CELF2: variants seen among roughly 807,000 people sequenced by gnomAD.
CELF2 encodes CUG triplet repeat RNA-binding protein 2.
In CELF2, 8 loss-of-function variants were observed where a neutral mutation model predicts 62.6. The observed-to-expected ratio is 0.13, with a 90% CI of 0.07 to 0.23. The LOEUF is 0.23. CELF2 is among the 10% of genes least tolerant of loss of function. The pLI is 1.00. For missense variants in CELF2, 333 were observed against 671.0 expected (o/e 0.50, Z 5.56); for synonymous variants, 258 against 250.0 (o/e 1.03, Z -0.30).
chr10:10,797,394 G>GAA (rs76696057), upstream of CELF2, among the ~76,000 whole-genome samples: 4 of 136,742 alleles, frequency 2.9e-5, no homozygotes, highest in Admixed American at 1.5e-4. Flanking sequence ...GCAACAAAGA[G>GAA]AAAAAAAAAA....
At chr10:11,210,876 A>G (rs1195978239) in intron 2 of CELF2, among the ~76,000 whole-genome samples, 2 of 152,258 alleles carry the variant, frequency 1.3e-5, no homozygotes, top group Non-Finnish European at 2.9e-5. Flanking sequence ...CTTTGCATGT[A>G]TGTATCACAA....
chr10:10,653,715 G>A, the CELF2 span, among the ~76,000 whole-genome samples: 2 of 147,448 alleles, frequency 1.4e-5, no homozygotes, highest in African/African-American at 2.5e-5. Flanking sequence ...TGCATTCAAA[G>A]CAGTGTGTAG....
At chr10:10,548,330 A>T in the CELF2 span, among the ~76,000 whole-genome samples, 102,706 of 152,170 alleles carry the variant, frequency 0.67, 35,510 homozygotes, top group East Asian at 0.95. Flanking sequence ...GGAGGGCATT[A>T]GTCATAGTCT....
At chr10:10,773,242 T>G in the CELF2 span, among the ~76,000 whole-genome samples, 1 of 152,224 alleles carries the variant, frequency 6.6e-6, no homozygotes, top group African/African-American at 2.4e-5. Context: ...GGGATTATTG[T>G]GTTATATGTG....
intron 9 of CELF2, among the ~76,000 whole-genome samples, chr10:11,308,128 G>T (rs2094360344): frequency 2.6e-5 from 4 of 152,202 alleles, no homozygotes; most frequent in African/African-American, 9.7e-5. Context: ...TTTCTGCTGA[G>T]AAGTCAGCTG....
rs72772079 is a variant in CELF2, at chr10:10,987,302, C to T, written c.89+67303C>T. ...GCATTGCTCTAAAACCTCACTAATT[C>T]GGAACAGTTTTTTTCCTAAAATTGG... On this transcript the variant is annotated intron_variant, in intron 2 of 13. Coordinates refer to the CELF2 transcript ENST00000636488. Among the ~76,000 whole-genome samples the T allele has an allele frequency of 1.1e-3, 157 of 148,280 alleles. 1 individual carries two copies. In the East Asian group the frequency reaches 0.012, roughly 12 times the overall value.
At chr10:10,599,071 T>C in the CELF2 span, among the ~76,000 whole-genome samples, 1 of 152,284 alleles carries the variant, frequency 6.6e-6, no homozygotes, top group East Asian at 1.9e-4. Context: ...TTTCTAATTT[T>C]TTAATAATTC....
In CELF2 at chr10:11,268,807, C is replaced by G. The variant is rs190784541; in HGVS notation, c.619-1859C>G. 4.5e-4 allele frequency among the ~76,000 whole-genome samples: 69 copies of G among 152,234 alleles called. No individual in the cohort carries two copies. Among genetic ancestry groups the G allele is most frequent in the Middle Eastern group, 3.4e-3 (1 of 294 alleles). On this transcript the variant is annotated intron_variant, in intron 6 of 12. Coordinates refer to ENST00000633077, the MANE Select transcript of CELF2 (RefSeq NM_001326342.2). This position sits in a 1 kb window ranked among gnomAD's most constrained non-coding sequence, Gnocchi z 4.7. ...AACTAATTATATTATTTCCAGGACT[C>G]TGGCATACATCTTTAACCAAGATGT... is the stretch of plus-strand genomic sequence containing the variant.
At chr10:10,625,393 C>T in the CELF2 span, among the ~76,000 whole-genome samples, 3 of 152,182 alleles carry the variant, frequency 2.0e-5, no homozygotes, top group African/African-American at 4.8e-5. Context: ...CCTTTTATAA[C>T]GTACTTTAGT....
intron 1 of CELF2, among the ~76,000 whole-genome samples, chr10:11,074,715 T>C (rs1392904676): frequency 1.3e-5 from 2 of 152,188 alleles, no homozygotes; most frequent in African/African-American, 4.8e-5. Context: ...GCTGAGAGCA[T>C]GGTAACCATT....
At chr10:11,025,312 A>C (rs1593374388) in intron 1 of CELF2, among the ~76,000 whole-genome samples, 1 of 151,604 alleles carries the variant, frequency 6.6e-6, no homozygotes, top group East Asian at 1.9e-4. Flanking sequence ...CCCCACCCAG[A>C]TCTCATCTTG....
rs999455912 is a variant in CELF2 at position 11,046,841 on chromosome 10, G to A, written c.74+28678G>A. The stretch of plus-strand genomic sequence containing the variant: ...ATTTTCTAAAATTTTAAATTTCATC[G>A]AAACTGCCTCCACTAAGCTAACATG... On this transcript the variant is annotated intron_variant, in intron 1 of 12. Coordinates refer to ENST00000633077, the MANE Select transcript of CELF2 (RefSeq NM_001326342.2). This position sits in a 1 kb window ranked among gnomAD's most constrained non-coding sequence, Gnocchi z 4.6. Among the ~76,000 whole-genome samples, 15 of 152,080 alleles carry A rather than the reference G, an allele frequency of 9.9e-5. No homozygotes were observed. The highest frequency in any genetic ancestry group is 3.1e-4 in the African/African-American group (13 of 41,392).
chr10:11,005,540 A>C lies in CELF2; in HGVS notation c.53+100A>C. ...CTGAATCAAGTAGCTTCCTTACCTT[A>C]GAAGAGAAGGGGGGAAAAAGAATCT... On this transcript the variant is annotated intron_variant, in intron 1 of 12. Transcript: ENST00000416382. This position sits in a 1 kb window ranked among gnomAD's most constrained non-coding sequence, Gnocchi z 4.3. The C allele has an allele frequency of 2.3e-5, 36 of 1,554,048 alleles. No individual in the cohort carries two copies. The South Asian group carries it at 4.0e-4, about 17-fold the overall frequency.
At chr10:10,844,736 C>T (rs546148943) in intron 1 of CELF2, among the ~76,000 whole-genome samples, 12 of 151,986 alleles carry the variant, frequency 7.9e-5, no homozygotes, top group Admixed American at 2.6e-4. Flanking sequence ...GTCTAAGGAC[C>T]GTAAGAAAAG....
intron 2 of CELF2, chr10:10,927,352 A>ACAAAAAC (rs1592028152): frequency 3.4e-5 from 3 of 89,006 alleles, no homozygotes; most frequent in East Asian, 4.0e-4. Flanking sequence ...ACATTAAAAA[A>ACAAAAAC]AAAAAAAAAA....
At chr10:10,927,366 A>AAAAAAAC (rs2065622867) in intron 2 of CELF2, 1 of 149,884 alleles carries the variant, frequency 6.7e-6, no homozygotes, top group Non-Finnish European at 1.5e-5. Context: ...AAAAAAAAAA[A>AAAAAAAC]CACCTTTTTC....
At chr10:10,805,314 C>T (rs1391096869) in intron 1 of CELF2, among the ~76,000 whole-genome samples, 2 of 152,154 alleles carry the variant, frequency 1.3e-5, no homozygotes, top group Non-Finnish European at 2.9e-5. Context: ...GATCTAGTTA[C>T]TACTTTTTCT....
intron 8 of CELF2, among the ~76,000 whole-genome samples, chr10:11,277,442 C>T (rs1327250096): frequency 2.0e-5 from 3 of 152,172 alleles, no homozygotes; most frequent in Admixed American, 6.5e-5. Context: ...CTGGATGCTT[C>T]AGGATACTCT....
chr10:10,852,094 C>T (rs962215112), intron 1 of CELF2, among the ~76,000 whole-genome samples: 8 of 152,134 alleles, frequency 5.3e-5, no homozygotes, highest in Admixed American at 1.3e-4. Context: ...CATTTAACTC[C>T]TTGGTGTCTA....
Sources: gnomAD v4.1 joint callset for allele counts (sites outside exome capture counted in the v4.1 genomes callset) on GRCh38, gnomAD v4.1.1 for gene constraint, Gnocchi (gnomAD v3.1) non-coding constraint, MANE v1.5 for transcripts, NCBI Gene and HGNC (gene_info 2026-07-23, HGNC 2026-07-21) for gene names.